Variants in NBAS observed in about 807,000 individuals in gnomAD.
NBAS encodes the protein NBAS subunit of NRZ tethering complex, also known as NAG/BC035112 fusion.
NBAS carries 219 observed loss-of-function variants against 302.5 expected under a neutral mutation model. The observed-to-expected ratio is 0.72, with a 90% CI of 0.65 to 0.81. The LOEUF (loss-of-function observed/expected upper bound fraction) is 0.81. Ranked by LOEUF, NBAS falls within the 30% of genes least tolerant of loss-of-function variation. NBAS has a pLI of 0.00. For synonymous variants in NBAS, 1,118 were observed against 1,021.6 expected, an observed-to-expected ratio of 1.09 and a Z score of -1.80; for missense variants, 2,932 against 2,841.6, an observed-to-expected ratio of 1.03 and a Z score of -0.72.
In NBAS at chr2:15,461,273, C is replaced by T. The variant is rs760758171; in HGVS notation, c.2267G>A (p.Arg756His). The change falls in exon 21 of 52, where the codon CGC becomes CAC. Residue 756 changes from arginine (R) to histidine (H), a missense_variant. By Grantham distance (29) the Arg-to-His change is conservative. Transcript: ENST00000281513. The stretch of plus-strand genomic sequence containing the variant: ...TGGAAAGTTGGACAGAATTGCAAGG[C>T]GATGAGGAAGCAGGTCGGAACCATG... ...TYHGSDLLPH[R>H]LAILSNFPET... The T allele has an allele frequency of 8.1e-6, 13 of 1,613,180 alleles. No homozygotes were observed. Among genetic ancestry groups the T allele is most frequent in the Non-Finnish European group, 1.0e-5 (12 of 1,179,428 alleles).
intron 10 of NBAS, among the ~76,000 whole-genome samples, chr2:15,508,119 A>G (rs993246821): frequency 5.3e-5 from 8 of 152,372 alleles, no homozygotes; most frequent in Non-Finnish European, 1.2e-4. Flanking sequence ...TAGCTGCAAG[A>G]CACAGCCACT....
At chr2:15,500,131 C>A (rs1661439496) in intron 11 of NBAS, among the ~76,000 whole-genome samples, 1 of 152,100 alleles carries the variant, frequency 6.6e-6, no homozygotes, top group African/African-American at 2.4e-5. Flanking sequence ...AAACATCAGA[C>A]CTTTGTACTG....
At chr2:15,258,835 G>A (rs1322865478) in intron 44 of NBAS, among the ~76,000 whole-genome samples, 2 of 152,142 alleles carry the variant, frequency 1.3e-5, no homozygotes, top group Non-Finnish European at 2.9e-5. Flanking sequence ...GCCCTTTGAA[G>A]CATGTGATCT....
chr2:15,139,991 G>A, the NBAS span, among the ~76,000 whole-genome samples: 1 of 152,140 alleles, frequency 6.6e-6, no homozygotes, highest in African/African-American at 2.4e-5. Context: ...ATGTGGGTAG[G>A]TTGGTGACGT....
At chr2:15,324,083 C>T (rs1331329095) in intron 38 of NBAS, among the ~76,000 whole-genome samples, 1 of 152,156 alleles carries the variant, frequency 6.6e-6, no homozygotes, top group African/African-American at 2.4e-5. Context: ...GACAATCATG[C>T]AGGTCAGGGG....
At chr2:15,103,121 G>A in the NBAS span, among the ~76,000 whole-genome samples, 1 of 152,092 alleles carries the variant, frequency 6.6e-6, no homozygotes, top group African/African-American at 2.4e-5. Context: ...CCATGTTTTT[G>A]AGGAAACAAA....
intron 40 of NBAS, among the ~76,000 whole-genome samples, chr2:15,294,969 C>T (rs1346090295): frequency 6.6e-6 from 1 of 152,228 alleles, no homozygotes; most frequent in African/African-American, 2.4e-5. Context: ...CGTATAACTC[C>T]ATGTCCCTCT....
the NBAS span, among the ~76,000 whole-genome samples, chr2:14,994,563 T>C: frequency 6.6e-6 from 1 of 152,140 alleles, no homozygotes; most frequent in Non-Finnish European, 1.5e-5. Context: ...TGGCTGACGC[T>C]CCTCGATTCT....
chr2:14,851,512 C>A, the NBAS span, among the ~76,000 whole-genome samples: 4 of 142,054 alleles, frequency 2.8e-5, no homozygotes, highest in Non-Finnish European at 4.6e-5. Flanking sequence ...CAAGGAGGAA[C>A]TGGTACCATT....
chr2:14,904,044 G>T, the NBAS span, among the ~76,000 whole-genome samples: 1 of 152,186 alleles, frequency 6.6e-6, no homozygotes. Flanking sequence ...AGAAACGGGG[G>T]CATTTCTCAT....
At chr2:15,399,594 G>C (rs958609404) in intron 26 of NBAS, among the ~76,000 whole-genome samples, 1 of 151,784 alleles carries the variant, frequency 6.6e-6, no homozygotes, top group African/African-American at 2.4e-5. Context: ...AACAGATGCT[G>C]AGTCCACTCT....
chr2:15,111,716 T>C, the NBAS span, among the ~76,000 whole-genome samples: 1 of 150,086 alleles, frequency 6.7e-6, no homozygotes, highest in South Asian at 2.1e-4. Flanking sequence ...ATAAGGACAA[T>C]AAAGAAAAAG....
At chr2:15,340,933 G>GA (rs763491348) in intron 35 of NBAS, among the ~76,000 whole-genome samples, 1 of 152,210 alleles carries the variant, frequency 6.6e-6, no homozygotes. Context: ...AAATGGTGAC[G>GA]AAAGAAGGCC....
the NBAS span, among the ~76,000 whole-genome samples, chr2:14,868,418 A>G: frequency 6.6e-6 from 1 of 152,230 alleles, no homozygotes; most frequent in Non-Finnish European, 1.5e-5. Flanking sequence ...CCATGGCAAC[A>G]TCTACATGTG....
rs149615117 is a variant in NBAS, at chr2:15,191,409, C to T, written c.6433-1006G>A. Among the ~76,000 whole-genome samples the T allele has an allele frequency of 1.8e-3, 275 of 152,292 alleles. 2 individuals are homozygous for T. Among genetic ancestry groups the T allele is most frequent in the African/African-American group, 6.1e-3 (255 of 41,572 alleles). Reference sequence around the variant, plus strand: ...GTTGCTATGTACTATGAAATTATCACTAATTGCTATGGGAAGCCTTGTTCA... The same window carrying T: ...GTTGCTATGTACTATGAAATTATCATTAATTGCTATGGGAAGCCTTGTTCA... On this transcript the variant is annotated intron_variant, in intron 48 of 51. Transcript: ENST00000281513.
the NBAS span, among the ~76,000 whole-genome samples, chr2:15,125,424 C>G: frequency 6.6e-6 from 1 of 152,132 alleles, no homozygotes; most frequent in African/African-American, 2.4e-5. Context: ...CTCACAAGAA[C>G]TTACTCACTA....
At chr2:14,904,722 C>T in the NBAS span, among the ~76,000 whole-genome samples, 4 of 152,132 alleles carry the variant, frequency 2.6e-5, no homozygotes, top group South Asian at 2.1e-4. Context: ...AGGCACTGTG[C>T]GCAATTTGTG....
intron 48 of NBAS, among the ~76,000 whole-genome samples, chr2:15,204,249 AC>A (rs1666035503): frequency 6.6e-6 from 1 of 151,930 alleles, no homozygotes; most frequent in African/African-American, 2.4e-5. Context: ...ACAGGGTGAG[AC>A]CCTTTCAAAA....
At chr2:15,208,302 C>G (rs1250535042) in intron 48 of NBAS, among the ~76,000 whole-genome samples, 1 of 152,144 alleles carries the variant, frequency 6.6e-6, no homozygotes, top group African/African-American at 2.4e-5. Flanking sequence ...TTATTCACTA[C>G]CACGAGAACA....
Sources: gnomAD v4.1 joint callset for allele counts (sites outside exome capture counted in the v4.1 genomes callset) on GRCh38, gnomAD v4.1.1 for gene constraint, MANE v1.5 for transcripts, NCBI Gene and HGNC (gene_info 2026-07-23, HGNC 2026-07-21) for gene names.